MTA3: variants seen among roughly 807,000 people sequenced by gnomAD.
The protein encoded by MTA3 is metastasis associated 1 family member 3, also known as metastasis-associated protein MTA3.
Under a neutral mutation model 83.5 loss-of-function variants are expected in MTA3, and 34 were observed. That is an observed-to-expected ratio of 0.41 (90% CI 0.31 to 0.54). MTA3 has a LOEUF of 0.54. MTA3 is among the 20% of genes least tolerant of loss of function. The pLI is 0.33. For synonymous variants in MTA3, 303 were observed against 252.7 expected, an observed-to-expected ratio of 1.20 and a Z score of -1.89; for missense variants, 761 against 726.4, an observed-to-expected ratio of 1.05 and a Z score of -0.55.
At chr2:42,609,163 T>G (rs1310757775) in intron 3 of MTA3, among the ~76,000 whole-genome samples, 1 of 151,852 alleles carries the variant, frequency 6.6e-6, no homozygotes, top group Non-Finnish European at 1.5e-5. Flanking sequence ...CCCGAGTAGC[T>G]GGGATTACAG....
At chr2:42,597,039 G>C (rs1043695766) in intron 3 of MTA3, among the ~76,000 whole-genome samples, 1 of 151,698 alleles carries the variant, frequency 6.6e-6, no homozygotes, top group Non-Finnish European at 1.5e-5. Flanking sequence ...TGAGTAGCTG[G>C]GACAACAGGA....
intron 16 of MTA3, among the ~76,000 whole-genome samples, chr2:42,744,703 G>T (rs566477355): frequency 6.6e-6 from 1 of 152,280 alleles, no homozygotes; most frequent in Non-Finnish European, 1.5e-5. Flanking sequence ...AGCGGATTAG[G>T]TATCTAAGAA....
intron 3 of MTA3, chr2:42,582,040 G>C (rs182875473): frequency 6.6e-6 from 1 of 152,136 alleles, no homozygotes; most frequent in East Asian, 1.9e-4. Context: ...ATGAGCCACC[G>C]TGGCCGGCAA....
At chr2:42,604,075 CTT>C (rs1034433895) in intron 3 of MTA3, among the ~76,000 whole-genome samples, 1 of 151,280 alleles carries the variant, frequency 6.6e-6, no homozygotes, top group Non-Finnish European at 1.5e-5. Flanking sequence ...GAGTTTTGCT[CTT>C]GTCGCCCAGG....
chr2:42,694,033 T>A (rs151195157), intron 9 of MTA3, among the ~76,000 whole-genome samples: 1 of 152,120 alleles, frequency 6.6e-6, no homozygotes, highest in Non-Finnish European at 1.5e-5. Flanking sequence ...TTTGTCCAGA[T>A]GGTGTCTAGA....
chr2:42,505,488 C>G (rs566066947), intron 2 of MTA3, among the ~76,000 whole-genome samples: 82 of 152,266 alleles, frequency 5.4e-4, no homozygotes, highest in African/African-American at 1.9e-3. Flanking sequence ...ACAGACTATG[C>G]AGGCTGTCTT....
At chr2:42,573,303 TGGTTTGTTTTGGGAATATCCCA>T (rs1422308555) in intron 2 of MTA3, among the ~76,000 whole-genome samples, 1 of 152,132 alleles carries the variant, frequency 6.6e-6, no homozygotes, top group Non-Finnish European at 1.5e-5. Flanking sequence ...CTTGAGACCT[TGGTTTGTTTTGGGAATATCCCA>T]GGGAATTTGC....
At chr2:42,528,276 G>A (rs1487663748) in intron 2 of MTA3, among the ~76,000 whole-genome samples, 3 of 149,702 alleles carry the variant, frequency 2.0e-5, no homozygotes, top group East Asian at 2.0e-4. Context: ...GGTGGAGTGC[G>A]GTGGCGTGAT....
At chr2:42,545,951 C>A (rs918866039) in intron 2 of MTA3, among the ~76,000 whole-genome samples, 1 of 152,022 alleles carries the variant, frequency 6.6e-6, no homozygotes, top group African/African-American at 2.4e-5. Flanking sequence ...ACGTGCCTTC[C>A]CAGAAAGATT....
chr2:42,500,144 A>G (rs1674331764), intron 2 of MTA3, among the ~76,000 whole-genome samples: 1 of 152,022 alleles, frequency 6.6e-6, no homozygotes, highest in South Asian at 2.1e-4. Flanking sequence ...CACGCCTATA[A>G]TCTCAGCACT....
chr2:42,581,527 C>T (rs1010178820), intron 3 of MTA3, among the ~76,000 whole-genome samples: 5 of 151,380 alleles, frequency 3.3e-5, no homozygotes, highest in African/African-American at 7.3e-5. Flanking sequence ...CGCATCTCAC[C>T]GTGCCTAGCT....
At chr2:42,500,817 T>G (rs1056014414) in intron 2 of MTA3, among the ~76,000 whole-genome samples, 3 of 151,076 alleles carry the variant, frequency 2.0e-5, no homozygotes, top group African/African-American at 7.3e-5. Context: ...GAAGCTTTTT[T>G]TTTTTTTTTT....
intron 6 of MTA3, among the ~76,000 whole-genome samples, chr2:42,655,239 G>A (rs1402339409): frequency 6.6e-6 from 1 of 152,056 alleles, no homozygotes; most frequent in Admixed American, 6.6e-5. Context: ...AAGTCTCTTC[G>A]AAAAACATCT....
In MTA3 at chr2:42,550,191, A is replaced by G. The variant is rs573127233; in HGVS notation, c.-140-20246A>G. Among the ~76,000 whole-genome samples the G allele has an allele frequency of 2.0e-5, 3 of 152,324 alleles. No homozygotes were observed. The South Asian group carries it at 6.2e-4, about 32-fold the overall frequency. On this transcript the variant is annotated intron_variant, in intron 2 of 17. Coordinates refer to the MTA3 transcript ENST00000405592. ...AAATCTTATAGCTATGAAATTGTTA[A>G]GAAGGAAAAATAAATTCATGCTGGT...
Position 42,722,930 on chromosome 2 carries a change from C to T in MTA3, c.1654C>T (p.Pro552Ser). 1 of 1,551,242 alleles carries T rather than the reference C, an allele frequency of 6.4e-7. No individual in the cohort carries two copies. The highest frequency in any genetic ancestry group is 1.7e-4 in the Middle Eastern group (1 of 5,998). Residue 552 changes from proline to serine, a missense_variant, in exon 16 of 17, where the codon CCA becomes TCA. Pro to Ser is a moderately conservative substitution (Grantham distance 74). Transcript: ENST00000405094. ...AKKPNVIRST[P>S]SLQTPTTKRM... ...GAAACCTAATGTAATTCGATCTACA[C>T]CAAGCCTGCAAACCCCAACTACCAA...
chr2:42,707,157 T>G (rs965755994), intron 12 of MTA3, among the ~76,000 whole-genome samples: 1 of 152,136 alleles, frequency 6.6e-6, no homozygotes, highest in African/African-American at 2.4e-5. Context: ...ATTAGATTCC[T>G]GACTTTATCA....
chr2:42,682,752 T>C, intron 9 of MTA3, 163 bp downstream of exon 9: 1 of 670,150 alleles, frequency 1.5e-6, no homozygotes, highest in Non-Finnish European at 2.5e-6. Context: ...AAACTGATAA[T>C]TGTTTGGAGG....
chr2:42,525,646 CTTTT>C (rs1458182594), intron 2 of MTA3, among the ~76,000 whole-genome samples: 3 of 143,032 alleles, frequency 2.1e-5, no homozygotes, highest in Admixed American at 7.5e-5. Context: ...TTCTTTCTTT[CTTTT>C]TTTCCTTCTT....
At chr2:42,572,848 C>T (rs1416633297) in intron 2 of MTA3, among the ~76,000 whole-genome samples, 1 of 152,160 alleles carries the variant, frequency 6.6e-6, no homozygotes, top group Non-Finnish European at 1.5e-5. Context: ...CTGTCTCATC[C>T]TCCCAAGTAG....
Sources: allele counts gnomAD v4.1 joint callset (sites outside exome capture counted in the v4.1 genomes callset), GRCh38; gene constraint gnomAD v4.1.1; transcripts MANE v1.5; gene names NCBI Gene and HGNC (gene_info 2026-07-23, HGNC 2026-07-21).